PRDM2: variants seen among roughly 807,000 people sequenced by gnomAD.
The protein encoded by PRDM2 is PR domain zinc finger protein 2.
PRDM2 carries 30 observed loss-of-function variants against 130.0 expected under a neutral mutation model. That is an observed-to-expected ratio of 0.23 (90% CI 0.17 to 0.31). PRDM2 has a LOEUF of 0.31. PRDM2 is among the 10% of genes least tolerant of loss of function. The pLI is 1.00. For missense variants in PRDM2, 2,011 were observed against 2,108.4 expected (o/e 0.95, Z 0.90); for synonymous variants, 871 against 782.4 (o/e 1.11, Z -1.89).
At chr1:13,788,901 T>A (rs977011541) in intron 8 of PRDM2, among the ~76,000 whole-genome samples, 1 of 152,228 alleles carries the variant, frequency 6.6e-6, no homozygotes, top group African/African-American at 2.4e-5. Context: ...CTTGGGCAAG[T>A]TCCTTTACAT....
chr1:13,783,680 T>C (rs1644674126), intron 8 of PRDM2, among the ~76,000 whole-genome samples: 1 of 152,208 alleles, frequency 6.6e-6, no homozygotes, highest in Non-Finnish European at 1.5e-5. Context: ...TTTGTTACAT[T>C]GGATTCTCAA....
Position 13,786,428 on chromosome 1 carries a change from A to T in PRDM2, c.5036+3597A>T, listed in dbSNP as rs533015453. On this transcript the variant is annotated intron_variant, in intron 8 of 9. Coordinates refer to ENST00000311066, the MANE Select transcript of PRDM2 (RefSeq NM_001393986.1). The stretch of plus-strand genomic sequence containing the variant: ...TTGTCGTCTTAATAACATTTGTCTT[A>T]CGGTCTATTCACCTTTTTCTTTAAC... 4 of 1,529,226 alleles carry T rather than the reference A, an allele frequency of 2.6e-6. No homozygotes were observed. The Admixed American group carries it at 5.2e-5, about 20-fold the overall frequency. The allele number at this position is 1,529,226 out of a possible 1,614,324, so 94.7% of individuals were successfully genotyped here.
At chr1:13,794,215 G>T (rs914381080) in intron 8 of PRDM2, among the ~76,000 whole-genome samples, 1 of 152,182 alleles carries the variant, frequency 6.6e-6, no homozygotes, top group African/African-American at 2.4e-5. Context: ...CTGGAAGGCT[G>T]ATCAGCTGGC....
intron 9 of PRDM2, among the ~76,000 whole-genome samples, chr1:13,820,143 C>A (rs1430076958): frequency 1.3e-5 from 2 of 152,164 alleles, no homozygotes; most frequent in African/African-American, 4.8e-5. Context: ...GGATCTTCGA[C>A]TTCTAATTGG....
intron 2 of PRDM2, 106 bp downstream of exon 2, chr1:13,715,720 A>C: frequency 2.2e-5 from 24 of 1,074,550 alleles, no homozygotes; most frequent in East Asian, 7.9e-5. Flanking sequence ...CTGGATTCTC[A>C]TTTTTGTTTC....
intron 6 of PRDM2, 133 bp downstream of exon 6, chr1:13,749,620 G>A: frequency 2.2e-6 from 1 of 456,824 alleles, no homozygotes; most frequent in African/African-American, 2.1e-5. Flanking sequence ...GCGGCATCTC[G>A]GTGACCTTTT....
chr1:13,704,977 C>T (rs1462700409), intron 1 of PRDM2: 1 of 152,116 alleles, frequency 6.6e-6, no homozygotes, highest in Non-Finnish European at 1.5e-5. Flanking sequence ...AAGTATGGCT[C>T]TTGGGATAAA....
chr1:13,728,750 TAAAC>T (rs1412635129), intron 2 of PRDM2, among the ~76,000 whole-genome samples: 1 of 152,164 alleles, frequency 6.6e-6, no homozygotes, highest in Admixed American at 6.5e-5. Flanking sequence ...TTAAAACAGA[TAAAC>T]AAATACATAG....
In PRDM2 at chr1:13,780,414, T is replaced by A. The variant is rs777732077; in HGVS notation, c.2619T>A (p.Pro873=). 1.9e-6 allele frequency: 3 copies of A among 1,614,074 alleles called. No homozygotes were observed. In the African/African-American group the frequency reaches 4.0e-5, roughly 22 times the overall value. Residue 873 remains proline, a synonymous_variant, in exon 8 of 10, where the codon CCT becomes CCA. Coordinates refer to ENST00000311066, the MANE Select transcript of PRDM2 (RefSeq NM_001393986.1). The stretch of plus-strand genomic sequence containing the variant: ...TCAAAGAAAGTCATTCAGTGCAGCC[T>A]ACGTGTAGTGCTGTAAAGAAAAGGA... The part of the protein sequence containing the change: ...KEFKESHSVQ[P]TCSAVKKRKP...
chr1:13,731,207 C>T (rs770843937), intron 3 of PRDM2, 90 bp downstream of exon 3: 2 of 1,005,556 alleles, frequency 2.0e-6, no homozygotes, highest in African/African-American at 1.6e-5. Context: ...GTAGGGAGCG[C>T]ACCATAAAAG....
chr1:13,799,404 C>T (rs189336448), intron 8 of PRDM2, among the ~76,000 whole-genome samples: 2 of 150,576 alleles, frequency 1.3e-5, no homozygotes, highest in East Asian at 3.9e-4. Flanking sequence ...GAGATCGCGC[C>T]ATTGCACTCC....
intron 6 of PRDM2, among the ~76,000 whole-genome samples, chr1:13,760,441 A>G (rs149173973): frequency 3.2e-4 from 49 of 152,200 alleles, no homozygotes; most frequent in Middle Eastern, 3.4e-3. Flanking sequence ...TTGAAAATGG[A>G]TAGCTTGTTT....
At chr1:13,717,382 G>T in intron 2 of PRDM2, 2 of 984,756 alleles carry the variant, frequency 2.0e-6, no homozygotes, top group Non-Finnish European at 2.4e-6. Context: ...TGCAGTCTAG[G>T]AACTGTTTTG....
intron 6 of PRDM2, among the ~76,000 whole-genome samples, chr1:13,762,448 C>T (rs908863874): frequency 3.3e-5 from 5 of 152,176 alleles, no homozygotes; most frequent in African/African-American, 1.2e-4. Flanking sequence ...GCACGAGTAA[C>T]CTTGGAGACA....
chr1:13,717,622 T>A lies in PRDM2; in HGVS notation c.9+2008T>A, dbSNP rs531615614. On this transcript the variant is annotated intron_variant, in intron 2 of 9. Transcript: ENST00000311066. ...ACTTTTGCTTTATATTTCCATTATA[T>A]CAAACTTGTGTTTAAAAAAGTCTGC... 1.9e-4 allele frequency among the ~76,000 whole-genome samples: 29 copies of A among 152,322 alleles called. No individual in the cohort carries two copies. In the South Asian group the frequency reaches 3.3e-3, roughly 17 times the overall value.
chr1:13,801,838 T>C (rs1645010773), intron 8 of PRDM2, among the ~76,000 whole-genome samples: 1 of 152,244 alleles, frequency 6.6e-6, no homozygotes, highest in Admixed American at 6.5e-5. Context: ...ATGCGCCACC[T>C]GGCCGTCATT....
intron 4 of PRDM2, among the ~76,000 whole-genome samples, chr1:13,734,368 A>C (rs1238926898): frequency 1.3e-5 from 2 of 152,262 alleles, no homozygotes; most frequent in Non-Finnish European, 2.9e-5. Context: ...CACTACGTTT[A>C]GTGAGAATAA....
rs748464840 is a variant in PRDM2 at position 13,779,871 on chromosome 1, A to G, written c.2076A>G (p.Lys692=). The G allele has an allele frequency of 6.2e-7, 1 of 1,610,448 alleles. No individual in the cohort carries two copies. The highest frequency in any genetic ancestry group is 1.4e-5 in the African/African-American group (1 of 73,240). ...GTGTTTATTTGTCATCAAAGCTCAA[A>G]CAACTTCTTCAAACCCAAGATAAAC... ...EKSVYLSSKL[K]QLLQTQDKLT... is the part of the protein sequence containing the mutation. Residue 692 remains lysine, a synonymous_variant, in exon 8 of 10, where the codon AAA becomes AAG. Coordinates refer to ENST00000311066, the MANE Select transcript of PRDM2 (RefSeq NM_001393986.1). This position sits in a 1 kb window ranked among gnomAD's most constrained non-coding sequence, Gnocchi z 4.9.
rs1457215442 is a variant in PRDM2, at chr1:13,778,624, G to A, written c.829G>A (p.Asp277Asn). ...AGAGGAGGAGGAGGAAGAGGAGGAGGATGAAGAAGAAGAAGAAGATGATGA... is the reference window on the plus strand; with the variant it reads ...AGAGGAGGAGGAGGAAGAGGAGGAGAATGAAGAAGAAGAAGAAGATGATGA... ...GEEEEEEEEE[D>N]EEEEEDDDDD... Residue 277 changes from aspartate to asparagine, a missense_variant, in exon 8 of 10, where the codon GAT (aspartate) becomes AAT (asparagine). Asp to Asn is a conservative substitution (Grantham distance 23). Around this residue, in one of 5 missense-constraint regions of PRDM2, gnomAD observed 1,288 missense variants for 1,237.7 expected, o/e 1.04. Transcript: ENST00000311066. The A allele has an allele frequency of 1.2e-6, 2 of 1,613,634 alleles. No homozygotes were observed. The highest frequency in any genetic ancestry group is 3.3e-5 in the Admixed American group (2 of 60,020).
Sources: allele counts gnomAD v4.1 joint callset (sites outside exome capture counted in the v4.1 genomes callset), GRCh38; gene constraint gnomAD v4.1.1; regional missense constraint gnomAD v4.1.1; non-coding constraint Gnocchi (gnomAD v3.1); transcripts MANE v1.5; gene names NCBI Gene and HGNC (gene_info 2026-07-23, HGNC 2026-07-21).